The following MAGI1 variants were observed in gnomAD, a reference collection of about 807,000 sequenced individuals.
MAGI1 encodes the protein membrane associated guanylate kinase, WW and PDZ domain containing 1.
MAGI1 carries 58 observed loss-of-function variants against 139.9 expected under a neutral mutation model. The observed-to-expected ratio is 0.41, with a 90% CI of 0.34 to 0.52. The LOEUF (loss-of-function observed/expected upper bound fraction) is 0.52. MAGI1 is among the 20% of genes least tolerant of loss of function. The pLI, the probability that MAGI1 is intolerant of heterozygous loss-of-function variation, is 0.12. For synonymous variants in MAGI1, 812 were observed against 737.9 expected (o/e 1.10, Z -1.63); for missense variants, 1,874 against 1,901.6 (o/e 0.99, Z 0.27).
intron 8 of MAGI1, among the ~76,000 whole-genome samples, chr3:65,440,863 A>C (rs1365560411): frequency 2.0e-5 from 3 of 150,866 alleles, no homozygotes; most frequent in Admixed American, 1.3e-4. Context: ...ATACATATAT[A>C]TGTATACACA....
chr3:65,770,835 T>C (rs1050597406), intron 1 of MAGI1, among the ~76,000 whole-genome samples: 2 of 151,862 alleles, frequency 1.3e-5, no homozygotes, highest in Non-Finnish European at 2.9e-5. Context: ...ACTACAGGCA[T>C]GTGCCACAAT....
intron 1 of MAGI1, among the ~76,000 whole-genome samples, chr3:65,698,538 A>C (rs1290994834): frequency 6.6e-6 from 1 of 152,020 alleles, no homozygotes; most frequent in African/African-American, 2.4e-5. Flanking sequence ...ATGTAGATCA[A>C]TGGAACAGAA....
chr3:65,437,330 A>C, intron 9 of MAGI1, 83 bp from the exon 10 acceptor site: 1 of 826,634 alleles, frequency 1.2e-6, no homozygotes, highest in Non-Finnish European at 1.9e-6. Context: ...TATTAATAAT[A>C]CTCAAGGCAA....
At chr3:65,841,283 TCTGTTAC>T (rs1231818842) in intron 1 of MAGI1, among the ~76,000 whole-genome samples, 8 of 152,114 alleles carry the variant, frequency 5.3e-5, no homozygotes, top group African/African-American at 1.9e-4. Flanking sequence ...TTCATTGATT[TCTGTTAC>T]CTTTATTTCC....
intron 1 of MAGI1, among the ~76,000 whole-genome samples, chr3:65,871,091 A>G (rs916033738): frequency 6.6e-6 from 1 of 151,974 alleles, no homozygotes; most frequent in African/African-American, 2.4e-5. Context: ...GGCACACACC[A>G]CCACGCCCAG....
rs1941269775 is a variant in MAGI1 at position 65,364,976 on chromosome 3, G to A, written c.3197-30C>T. 3.2e-6 allele frequency: 5 copies of A among 1,577,876 alleles called. No homozygotes were observed. The Admixed American group carries it at 5.0e-5, about 16-fold the overall frequency. On this transcript the variant is annotated intron_variant, in intron 18 of 22. Coordinates refer to ENST00000402939, the MANE Select transcript of MAGI1 (RefSeq NM_001033057.2). Reference sequence around the variant, plus strand: ...AAAGAGGGACAGAGCATAAAGAAATGAAGACCCCAGAGAAGACATCCTCCA... The same window carrying A: ...AAAGAGGGACAGAGCATAAAGAAATAAAGACCCCAGAGAAGACATCCTCCA...
At chr3:65,477,588 C>T (rs1235281695) in intron 4 of MAGI1, among the ~76,000 whole-genome samples, 2 of 152,232 alleles carry the variant, frequency 1.3e-5, no homozygotes, top group East Asian at 3.9e-4. Context: ...TCCTATCTTA[C>T]TCAGCTGTTA....
intron 1 of MAGI1, among the ~76,000 whole-genome samples, chr3:66,027,170 A>AG (rs2068319745): frequency 6.6e-6 from 1 of 151,938 alleles, no homozygotes; most frequent in Admixed American, 6.6e-5. Flanking sequence ...CGAGAGGCTG[A>AG]GGCAGGAGAA....
intron 2 of MAGI1, among the ~76,000 whole-genome samples, chr3:65,494,712 G>A (rs905404169): frequency 6.6e-6 from 1 of 152,198 alleles, no homozygotes. Flanking sequence ...TTAAATAACC[G>A]ACTATATGTG....
chr3:65,742,621 C>G (rs9826713), intron 1 of MAGI1, among the ~76,000 whole-genome samples: 36,676 of 152,196 alleles, frequency 0.24, 5,439 homozygotes, highest in African/African-American at 0.41. Flanking sequence ...TCCCCAGTGT[C>G]TGCTGGGGTG....
At chr3:65,688,044 A>G in intron 1 of MAGI1, 3 of 794,488 alleles carry the variant, frequency 3.8e-6, no homozygotes, top group Non-Finnish European at 6.6e-6. Context: ...TCCTAGGCCT[A>G]CTAAGTCATT....
intron 1 of MAGI1, among the ~76,000 whole-genome samples, chr3:65,896,158 C>CCAA (rs1290759942): frequency 6.6e-6 from 1 of 152,158 alleles, no homozygotes; most frequent in African/African-American, 2.4e-5. Context: ...AGACAAAAGG[C>CCAA]CAATGTTCCC....
intron 1 of MAGI1, among the ~76,000 whole-genome samples, chr3:65,646,700 G>C (rs185702316): frequency 6.6e-6 from 1 of 152,076 alleles, no homozygotes; most frequent in Admixed American, 6.5e-5. Context: ...TACAGAATGT[G>C]TTCTCTAAAT....
chr3:65,429,120 T>TA (rs1559546416), intron 12 of MAGI1, among the ~76,000 whole-genome samples: 11 of 151,844 alleles, frequency 7.2e-5, no homozygotes, highest in African/African-American at 2.4e-4. Context: ...TTATTATTTT[T>TA]TATATATATA....
intron 2 of MAGI1, chr3:65,499,013 T>G: frequency 6.1e-6 from 6 of 983,716 alleles, no homozygotes; most frequent in Non-Finnish European, 6.0e-6. Context: ...GAAACATACT[T>G]ACCTGAAACA....
At chr3:65,622,181 T>G (rs934892918) in intron 1 of MAGI1, 93 bp from the exon 2 acceptor site, 2 of 906,762 alleles carry the variant, frequency 2.2e-6, no homozygotes, top group African/African-American at 1.6e-5. Context: ...AGCCACAGGA[T>G]GCAGTTCTAG....
chr3:65,904,978 A>C (rs1040825612), intron 1 of MAGI1, among the ~76,000 whole-genome samples: 10 of 152,172 alleles, frequency 6.6e-5, no homozygotes, highest in African/African-American at 2.4e-4. Flanking sequence ...AATGGAAATC[A>C]ATATGATTCA....
chr3:65,912,377 C>G (rs888622760), intron 1 of MAGI1, among the ~76,000 whole-genome samples: 2 of 152,042 alleles, frequency 1.3e-5, no homozygotes, highest in African/African-American at 4.8e-5. Context: ...ACTGGAAGAG[C>G]CCAGTCTGGG....
intron 1 of MAGI1, among the ~76,000 whole-genome samples, chr3:65,917,235 A>G (rs1258449778): frequency 6.6e-6 from 1 of 152,172 alleles, no homozygotes; most frequent in Non-Finnish European, 1.5e-5. Flanking sequence ...TGAAAAATAA[A>G]ACCAACAATG....
Sources: allele counts gnomAD v4.1 joint callset (sites outside exome capture counted in the v4.1 genomes callset), GRCh38; gene constraint gnomAD v4.1.1; transcripts MANE v1.5; gene names NCBI Gene and HGNC (gene_info 2026-07-23, HGNC 2026-07-21).